Variants in SCAF8 observed in about 807,000 individuals in gnomAD.
The protein encoded by SCAF8 is SR-related CTD associated factor 8.
A neutral mutation model predicts 140.5 loss-of-function variants in SCAF8; 23 were observed. The observed-to-expected ratio is 0.16, with a 90% CI of 0.12 to 0.23. SCAF8 has a LOEUF of 0.23. SCAF8 is among the 10% of genes least tolerant of loss of function. The probability of loss-of-function intolerance (pLI) is 1.00; values close to 1 mark genes in which losing one functional copy is unlikely to be tolerated. For missense variants in SCAF8, 1,397 were observed against 1,555.7 expected (o/e 0.90, Z 1.72); for synonymous variants, 575 against 528.9 (o/e 1.09, Z -1.20).
At chr6:154,776,818 G>A (rs898477520) in intron 2 of SCAF8, among the ~76,000 whole-genome samples, 13 of 152,134 alleles carry the variant, frequency 8.5e-5, no homozygotes, top group Admixed American at 7.9e-4. Context: ...TAGTGCTGAG[G>A]TTTAGTTGAA....
intron 8 of SCAF8, among the ~76,000 whole-genome samples, chr6:154,804,840 C>CTT (rs1385931861): frequency 6.6e-6 from 1 of 152,044 alleles, no homozygotes; most frequent in African/African-American, 2.4e-5. Context: ...TATAGTTAAA[C>CTT]TATTATTTTT....
intron 9 of SCAF8, 22 bp from the exon 10 acceptor site, chr6:154,808,048 T>G (rs777702358): frequency 3.2e-5 from 51 of 1,586,980 alleles, no homozygotes; most frequent in Middle Eastern, 1.7e-4. Flanking sequence ...AATCTTTGTG[T>G]GTTTGTATAT....
rs1778805995 is a variant in SCAF8 at position 154,833,259 on chromosome 6, C to A, written c.3680C>A (p.Pro1227His). The A allele has an allele frequency of 6.2e-7, 1 of 1,613,874 alleles. No homozygotes were observed. The highest frequency in any genetic ancestry group is 1.7e-5 in the Admixed American group (1 of 59,992). ...ENTERHAQPPPIPVQNDPELY... is the reference protein window; with the variant it reads ...ENTERHAQPPHIPVQNDPELY... ...ACAGAGAGACATGCTCAGCCACCAC[C>A]TATACCAGTACAGAATGATCCTGAA... Residue 1227 changes from proline (P) to histidine (H), a missense_variant, in exon 20 of 20, where the codon CCT becomes CAT. Pro to His is a moderately conservative substitution (Grantham distance 77). Coordinates refer to ENST00000367178, the MANE Select transcript of SCAF8 (RefSeq NM_014892.5).
chr6:154,805,672 T>C lies in SCAF8; in HGVS notation c.981+186T>C, dbSNP rs117495354. Reference sequence around the variant, plus strand: ...TATGGTGATATTTTTTCAACTCTTATTAGTAAGACCATTTTTTTCAGGACC... The same window carrying C: ...TATGGTGATATTTTTTCAACTCTTACTAGTAAGACCATTTTTTTCAGGACC... On this transcript the variant is annotated intron_variant, in intron 9 of 19. Transcript: ENST00000367178. 6.3e-4 allele frequency among the ~76,000 whole-genome samples: 96 copies of C among 152,198 alleles called. 1 individual carries two copies. The East Asian group carries it at 0.016, about 25-fold the overall frequency.
At chr6:154,740,668 C>T (rs1255528960) in intron 1 of SCAF8, among the ~76,000 whole-genome samples, 3 of 145,282 alleles carry the variant, frequency 2.1e-5, no homozygotes, top group South Asian at 4.3e-4. Flanking sequence ...CATCGAGGCT[C>T]GAGGGCAGTG....
intron 12 of SCAF8, among the ~76,000 whole-genome samples, chr6:154,813,190 G>GAGC (rs1778146773): frequency 6.6e-6 from 1 of 152,116 alleles, no homozygotes; most frequent in Non-Finnish European, 1.5e-5. Context: ...CTGAGGAACA[G>GAGC]AGCAAGACCC....
intron 1 of SCAF8, among the ~76,000 whole-genome samples, chr6:154,760,984 T>G (rs1445391170): frequency 6.6e-6 from 1 of 152,002 alleles, no homozygotes; most frequent in Non-Finnish European, 1.5e-5. Context: ...TAAATTTTTG[T>G]AGAGGCAGGG....
At chr6:154,745,861 A>T (rs1413563373) in intron 1 of SCAF8, among the ~76,000 whole-genome samples, 1 of 151,956 alleles carries the variant, frequency 6.6e-6, no homozygotes, top group Non-Finnish European at 1.5e-5. Context: ...GCATATTAGT[A>T]TGAACTCGTG....
In SCAF8 at chr6:154,790,585, A is replaced by C. The variant is rs560401976; in HGVS notation, c.322-2238A>C. Among the ~76,000 whole-genome samples, 3 of 126,242 alleles carry C rather than the reference A, an allele frequency of 2.4e-5. No homozygotes were observed. The Middle Eastern group carries it at 0.018, about 751-fold the overall frequency. 82.8% of individuals were successfully genotyped at this position (126,242 alleles called of 152,430 possible). On this transcript the variant is annotated intron_variant, in intron 4 of 19. Coordinates refer to ENST00000367178, the MANE Select transcript of SCAF8 (RefSeq NM_014892.5). The stretch of plus-strand genomic sequence containing the variant: ...GAGTGCAGTGGTGTAATCTCGGCTC[A>C]CTGCAAGCTCCGCCTCCTGGGTTCA...
chr6:154,748,760 A>G (rs112957605), intron 1 of SCAF8, among the ~76,000 whole-genome samples: 1 of 152,224 alleles, frequency 6.6e-6, no homozygotes, highest in African/African-American at 2.4e-5. Flanking sequence ...GTTGTGAGCA[A>G]CTTAGCTGAA....
At chr6:154,815,326 A>C (rs1778215929) in intron 12 of SCAF8, among the ~76,000 whole-genome samples, 1 of 152,160 alleles carries the variant, frequency 6.6e-6, no homozygotes, top group African/African-American at 2.4e-5. Context: ...TAAAAGGTTC[A>C]CAAATGGGAT....
chr6:154,752,806 C>A (rs1778870393), intron 1 of SCAF8, among the ~76,000 whole-genome samples: 1 of 152,188 alleles, frequency 6.6e-6, no homozygotes, highest in African/African-American at 2.4e-5. Flanking sequence ...GCAGCATTCT[C>A]CGCCTCCTAG....
intron 1 of SCAF8, among the ~76,000 whole-genome samples, chr6:154,740,592 T>C (rs1449231282): frequency 6.6e-6 from 1 of 151,874 alleles, no homozygotes; most frequent in African/African-American, 2.4e-5. Flanking sequence ...AGTATATATG[T>C]GAAGTAAAGA....
At chr6:154,791,647 T>TAA (rs34590469) in intron 4 of SCAF8, among the ~76,000 whole-genome samples, 2 of 151,778 alleles carry the variant, frequency 1.3e-5, no homozygotes, top group Non-Finnish European at 2.9e-5. Context: ...TTTGTTTTTT[T>TAA]AAAAAATGTG....
At chr6:154,770,388 A>ACTCTCTCTCTCTCTCTCT (rs58596375) in intron 1 of SCAF8, among the ~76,000 whole-genome samples, 5 of 141,918 alleles carry the variant, frequency 3.5e-5, no homozygotes, top group African/African-American at 1.3e-4. Flanking sequence ...ACACACACAC[A>ACTCTCTCTCTCTCTCTCT]CTCTCTCTCT....
At chr6:154,752,396 C>T (rs1252548699) in intron 1 of SCAF8, among the ~76,000 whole-genome samples, 2 of 152,048 alleles carry the variant, frequency 1.3e-5, no homozygotes, top group Non-Finnish European at 2.9e-5. Flanking sequence ...GACTACCTCT[C>T]AGTTGGTTTG....
chr6:154,752,729 T>C (rs60448404), intron 1 of SCAF8, among the ~76,000 whole-genome samples: 2,384 of 152,220 alleles, frequency 0.016, 58 homozygotes, highest in African/African-American at 0.054. Flanking sequence ...ATTTTGCTTG[T>C]TTGTTTTTTT....
chr6:154,753,928 C>T (rs1419764404), intron 1 of SCAF8, among the ~76,000 whole-genome samples: 3 of 152,200 alleles, frequency 2.0e-5, no homozygotes, highest in Non-Finnish European at 4.4e-5. Context: ...GCCTTGAACT[C>T]CTGGGCTCAA....
Position 154,832,863 on chromosome 6 carries a change from A to G in SCAF8, c.3284A>G (p.His1095Arg), listed in dbSNP as rs1355890871. The G allele has an allele frequency of 1.9e-6, 3 of 1,614,050 alleles. No individual in the cohort carries two copies. The highest frequency in any genetic ancestry group is 1.3e-5 in the African/African-American group (1 of 75,034). The part of the protein sequence containing the change: ...FGFNPEKPWG[H>R]RGDFDEREHR... Reference sequence around the variant, plus strand: ...TTTAATCCAGAGAAGCCCTGGGGGCATAGAGGAGATTTTGATGAGAGAGAG... The same window carrying G: ...TTTAATCCAGAGAAGCCCTGGGGGCGTAGAGGAGATTTTGATGAGAGAGAG... Residue 1095 changes from histidine to arginine, a missense_variant, in exon 20 of 20, where the codon CAT (histidine) becomes CGT (arginine). His to Arg is a conservative substitution (Grantham distance 29, BLOSUM62 0). Transcript: ENST00000367178.
Sources: gnomAD v4.1 joint callset for allele counts (sites outside exome capture counted in the v4.1 genomes callset) on GRCh38, gnomAD v4.1.1 for gene constraint, MANE v1.5 for transcripts, NCBI Gene and HGNC (gene_info 2026-07-23, HGNC 2026-07-21) for gene names.